The following ERICH3 variants were observed in gnomAD, a reference collection of about 807,000 sequenced individuals.
ERICH3 encodes glutamate-rich protein 3.
ERICH3 carries 126 observed loss-of-function variants against 131.1 expected under a neutral mutation model. That is an observed-to-expected ratio of 0.96 (90% confidence interval 0.83 to 1.11). The LOEUF is 1.11. Ranked by LOEUF, ERICH3 falls within the 50% of genes most tolerant of loss-of-function variation. The pLI is 0.00. For synonymous variants in ERICH3, 695 were observed against 644.6 expected, an observed-to-expected ratio of 1.08 and a Z score of -1.18; for missense variants, 2,050 against 1,810.7, an observed-to-expected ratio of 1.13 and a Z score of -2.40.
At chr1:74,627,951 G>C (rs879397550) in intron 7 of ERICH3, among the ~76,000 whole-genome samples, 3 of 152,114 alleles carry the variant, frequency 2.0e-5, no homozygotes, top group Admixed American at 6.6e-5. Context: ...ACTCTTAACA[G>C]ACCATGCATG....
At chr1:74,630,663 A>G (rs1464691858) in intron 7 of ERICH3, among the ~76,000 whole-genome samples, 1 of 152,162 alleles carries the variant, frequency 6.6e-6, no homozygotes, top group Non-Finnish European at 1.5e-5. Context: ...AGGTTGCAGC[A>G]TGTGAGGAAA....
intron 1 of ERICH3, among the ~76,000 whole-genome samples, chr1:74,650,715 G>A (rs1441245479): frequency 6.6e-6 from 1 of 152,078 alleles, no homozygotes; most frequent in Admixed American, 6.6e-5. Flanking sequence ...AGAACAGCAT[G>A]CAATTTAAAA....
At chr1:74,623,311 G>C (rs1649294184) in intron 7 of ERICH3, 1 of 152,170 alleles carries the variant, frequency 6.6e-6, no homozygotes, top group Non-Finnish European at 1.5e-5. Flanking sequence ...CAAGCCCATT[G>C]AGTGGTTAAC....
rs568915392 is a variant in ERICH3 at position 74,609,610 on chromosome 1, C to A, written c.1188-2708G>T. 2.0e-5 allele frequency among the ~76,000 whole-genome samples: 3 copies of A among 152,090 alleles called. No homozygotes were observed. The South Asian group carries it at 6.2e-4, about 32-fold the overall frequency. On this transcript the variant is annotated intron_variant, in intron 9 of 14. Transcript: ENST00000326665. ...AAGGCTCTAGCACTTACTCACCTAACCCTGTACCATTTAAACCAGTCTGAC... is the reference window on the plus strand; with the variant it reads ...AAGGCTCTAGCACTTACTCACCTAAACCTGTACCATTTAAACCAGTCTGAC...
intron 11 of ERICH3, among the ~76,000 whole-genome samples, chr1:74,598,037 C>T (rs1391716392): frequency 6.6e-6 from 1 of 151,880 alleles, no homozygotes; most frequent in Non-Finnish European, 1.5e-5. Flanking sequence ...CTTGCATTTT[C>T]TTTTCTAACT....
chr1:74,571,551 A>G lies in ERICH3; in HGVS notation c.4159T>C (p.Trp1387Arg), dbSNP rs1329648308. The G allele has an allele frequency of 6.2e-7, 1 of 1,614,072 alleles. No individual in the cohort carries two copies. The highest frequency in any genetic ancestry group is 8.5e-7 in the Non-Finnish European group (1 of 1,180,000). ...CCTACTAACTCATCCTGTTGGTGCC[A>G]GGTTTCTTCCTCAGCAACATCTGAA... Reference protein sequence around the residue: ...SFSDVAEEETWHQQDELVGKT... With the variant: ...SFSDVAEEETRHQQDELVGKT... Residue 1387 changes from tryptophan to arginine, a missense_variant, in exon 14 of 15, where the codon TGG (tryptophan) becomes CGG (arginine). Trp to Arg is a moderately radical substitution (Grantham distance 101, BLOSUM62 -3). Coordinates refer to ENST00000326665, the MANE Select transcript of ERICH3 (RefSeq NM_001002912.5).
chr1:74,571,028 C>A, intron 14 of ERICH3, 71 bp downstream of exon 14: 1 of 1,519,678 alleles, frequency 6.6e-7, no homozygotes, highest in East Asian at 2.3e-5. Context: ...AGGGACAAGC[C>A]AGCCCCAAGG....
At chr1:74,644,839 C>T (rs1465597090) in intron 3 of ERICH3, among the ~76,000 whole-genome samples, 2 of 152,130 alleles carry the variant, frequency 1.3e-5, no homozygotes, top group African/African-American at 2.4e-5. Flanking sequence ...CTTTTACTCC[C>T]CTGCTGAAAA....
At chr1:74,603,731 C>A (rs953255399) in intron 10 of ERICH3, among the ~76,000 whole-genome samples, 2 of 151,866 alleles carry the variant, frequency 1.3e-5, no homozygotes, top group African/African-American at 4.8e-5. Context: ...GTTGAATATA[C>A]AATAGCATTA....
chr1:74,626,917 C>A (rs1250520928), intron 7 of ERICH3, among the ~76,000 whole-genome samples: 1 of 152,136 alleles, frequency 6.6e-6, no homozygotes, highest in African/African-American at 2.4e-5. Context: ...CATAGAGGAG[C>A]AGGTGGTGGA....
intron 1 of ERICH3, among the ~76,000 whole-genome samples, chr1:74,672,472 C>A (rs574835919): frequency 6.6e-6 from 1 of 152,172 alleles, no homozygotes; most frequent in African/African-American, 2.4e-5. Flanking sequence ...TACGCCATTA[C>A]ACTCAGAGAA....
intron 8 of ERICH3, 39 bp downstream of exon 8, chr1:74,620,695 A>C (rs780126001): frequency 6.6e-7 from 1 of 1,504,250 alleles, no homozygotes. Flanking sequence ...TATAACATCA[A>C]CTCCAAGCAA....
chr1:74,616,927 T>C (rs1410696821), intron 8 of ERICH3, among the ~76,000 whole-genome samples: 1 of 152,098 alleles, frequency 6.6e-6, no homozygotes, highest in African/African-American at 2.4e-5. Flanking sequence ...GCCAATACCT[T>C]CATTTTTGAC....
At chr1:74,612,531 TTAA>T in intron 9 of ERICH3, 89 bp downstream of exon 9, 1 of 1,191,350 alleles carries the variant, frequency 8.4e-7, no homozygotes, top group African/African-American at 1.5e-5. Flanking sequence ...CTGAATTTCC[TTAA>T]TAATTGTGAA....
At chr1:74,645,484 C>T in intron 3 of ERICH3, among the ~76,000 whole-genome samples, 1 of 151,388 alleles carries the variant, frequency 6.6e-6, no homozygotes, top group East Asian at 1.9e-4. Flanking sequence ...TTATTCAAAA[C>T]TAGGAATCCA....
At chr1:74,575,330 A>C (rs773434358) in intron 13 of ERICH3, among the ~76,000 whole-genome samples, 23 of 152,192 alleles carry the variant, frequency 1.5e-4, no homozygotes, top group Non-Finnish European at 3.2e-4. Context: ...GTCTCCTTTC[A>C]AAGGAGTAAA....
intron 12 of ERICH3, chr1:74,586,416 A>T (rs1051870331): frequency 1.5e-5 from 15 of 983,404 alleles, no homozygotes; most frequent in Non-Finnish European, 1.8e-5. Flanking sequence ...CACACCAAAA[A>T]ATTGCTATCC....
In ERICH3 at chr1:74,570,089, T is replaced by TA. The variant is rs1169609311; in HGVS notation, c.*368dup. ...CTGTATTGTAAAATAAAAAGGACTT[T>TA]AAACAAACCCCTAACATTAGGACTG... On this transcript the variant is annotated 3_prime_UTR_variant, in exon 15 of 15. Coordinates refer to ENST00000326665, the MANE Select transcript of ERICH3 (RefSeq NM_001002912.5). The TA allele has an allele frequency of 6.6e-6, 1 of 152,222 alleles. No homozygotes were observed. Among genetic ancestry groups the TA allele is most frequent in the Non-Finnish European group, 1.5e-5 (1 of 68,044 alleles). The allele number at this position is 152,222 out of a possible 1,614,324, so 9.4% of individuals were successfully genotyped here.
chr1:74,604,105 A>G (rs1648274036), intron 10 of ERICH3, among the ~76,000 whole-genome samples: 1 of 151,884 alleles, frequency 6.6e-6, no homozygotes, highest in Non-Finnish European at 1.5e-5. Context: ...TACATATTCT[A>G]AATTCTTTGT....
Sources: allele counts gnomAD v4.1 joint callset (sites outside exome capture counted in the v4.1 genomes callset), GRCh38; gene constraint gnomAD v4.1.1; transcripts MANE v1.5; gene names NCBI Gene and HGNC (gene_info 2026-07-23, HGNC 2026-07-21).